The following XIRP2 variants were observed in gnomAD, a reference collection of about 807,000 sequenced individuals.
XIRP2 encodes xin actin-binding repeat-containing protein 2.
Under a neutral mutation model 277.0 loss-of-function variants are expected in XIRP2, and 236 were observed. The ratio of observed to expected loss-of-function variants is 0.85; its 90% CI spans 0.77 to 0.95. The LOEUF is 0.95. XIRP2 is among the 40% of genes least tolerant of loss of function. The pLI, the probability that XIRP2 is intolerant of heterozygous loss-of-function variation, is 0.00. For missense variants in XIRP2, 4,640 were observed against 4,157.5 expected, an observed-to-expected ratio of 1.12 and a Z score of -3.19; for synonymous variants, 1,490 against 1,416.5, an observed-to-expected ratio of 1.05 and a Z score of -1.17.
chr2:167,026,191 T>C (rs536602404), intron 2 of XIRP2, among the ~76,000 whole-genome samples: 1 of 152,322 alleles, frequency 6.6e-6, no homozygotes, highest in East Asian at 1.9e-4. Flanking sequence ...GTTGAATTGA[T>C]CCCTTTACCA....
At chr2:167,140,295 T>G (rs1691676200) in intron 3 of XIRP2, among the ~76,000 whole-genome samples, 2 of 152,224 alleles carry the variant, frequency 1.3e-5, no homozygotes, top group Admixed American at 1.3e-4. Flanking sequence ...CTTAATTGTC[T>G]TGGAAATATG....
intron 2 of XIRP2, among the ~76,000 whole-genome samples, chr2:167,032,297 A>AC (rs1688385980): frequency 6.6e-6 from 1 of 151,480 alleles, no homozygotes; most frequent in Non-Finnish European, 1.5e-5. Flanking sequence ...TTACACAAAA[A>AC]TTAAGGTGGA....
At chr2:167,048,596 AAAG>A (rs1196410629) in intron 2 of XIRP2, among the ~76,000 whole-genome samples, 50 of 151,926 alleles carry the variant, frequency 3.3e-4, no homozygotes, top group Middle Eastern at 3.4e-3. Context: ...ATGTTCATTC[AAAG>A]AAGATTCACC....
intron 3 of XIRP2, among the ~76,000 whole-genome samples, chr2:167,157,500 A>G (rs1049760700): frequency 6.6e-6 from 1 of 152,214 alleles, no homozygotes; most frequent in Admixed American, 6.5e-5. Flanking sequence ...TACATTGTAT[A>G]AGTATGCATG....
rs192182483 is a variant in XIRP2 at position 167,244,341 on chromosome 2, C to A, written c.2949C>A (p.Phe983Leu). ...RGAVELNKSL[F>L]ETTPLYAIQD... The stretch of plus-strand genomic sequence containing the variant: ...CTGTAGAGTTAAATAAATCTCTCTT[C>A]GAGACAACACCACTGTATGCCATTC... The change falls in exon 9 of 11, where the codon TTC becomes TTA. Residue 983 changes from phenylalanine to leucine, a missense_variant. Phe to Leu is a conservative substitution (Grantham distance 22, BLOSUM62 0). Transcript: ENST00000409195. 1.2e-6 allele frequency: 2 copies of A among 1,613,478 alleles called. No individual in the cohort carries two copies. Among genetic ancestry groups the A allele is most frequent in the Non-Finnish European group, 1.7e-6 (2 of 1,179,790 alleles).
chr2:167,152,553 A>T (rs73017974), intron 3 of XIRP2, among the ~76,000 whole-genome samples: 15,051 of 152,150 alleles, frequency 0.099, 802 homozygotes, highest in South Asian at 0.15. Context: ...GGGTCCCAGG[A>T]GTGAACCTGG....
At chr2:167,184,486 G>C (rs1485482331) in intron 3 of XIRP2, 1 of 679,602 alleles carries the variant, frequency 1.5e-6, no homozygotes, top group East Asian at 2.7e-5. Context: ...CTTCAGTTTT[G>C]TTGCTCCAGT....
chr2:166,934,602 A>G (rs1685440035), intron 2 of XIRP2, among the ~76,000 whole-genome samples: 1 of 152,240 alleles, frequency 6.6e-6, no homozygotes, highest in Admixed American at 6.5e-5. Flanking sequence ...TTTGTTACCT[A>G]TGAACATAAA....
At chr2:167,031,695 C>T (rs1688353950) in intron 2 of XIRP2, among the ~76,000 whole-genome samples, 2 of 152,044 alleles carry the variant, frequency 1.3e-5, no homozygotes, top group African/African-American at 2.4e-5. Context: ...AGTGAACTCC[C>T]ATTCACAATT....
At chr2:167,029,193 C>T (rs1017502338) in intron 2 of XIRP2, among the ~76,000 whole-genome samples, 6 of 151,968 alleles carry the variant, frequency 3.9e-5, no homozygotes, top group African/African-American at 7.2e-5. Flanking sequence ...TTTGAATATG[C>T]TTTATTTCTT....
chr2:167,163,045 G>A (rs1252729061), intron 3 of XIRP2, among the ~76,000 whole-genome samples: 2 of 152,082 alleles, frequency 1.3e-5, no homozygotes, highest in African/African-American at 2.4e-5. Context: ...ATTCCATTAT[G>A]TGAACAATTG....
intron 2 of XIRP2, among the ~76,000 whole-genome samples, chr2:166,914,120 A>T (rs984159099): frequency 1.3e-5 from 2 of 152,214 alleles, no homozygotes; most frequent in African/African-American, 2.4e-5. Flanking sequence ...GGAACACAGG[A>T]TGTCAGATTG....
At chr2:167,242,130 A>G (rs963157066) in intron 8 of XIRP2, among the ~76,000 whole-genome samples, 7 of 152,180 alleles carry the variant, frequency 4.6e-5, no homozygotes, top group South Asian at 2.1e-4. Flanking sequence ...AAAATTATAT[A>G]TGTTCTAAAG....
intron 4 of XIRP2, among the ~76,000 whole-genome samples, chr2:167,212,869 A>T (rs879813855): frequency 1.3e-5 from 2 of 151,036 alleles, no homozygotes; most frequent in Non-Finnish European, 3.0e-5. Context: ...AATCATGTGC[A>T]TGAAATGCTT....
chr2:167,251,817 A>G lies in XIRP2; in HGVS notation c.10425A>G (p.Glu3475=), dbSNP rs762833445. The change falls in exon 9 of 11, where the codon GAA becomes GAG. Residue 3475 remains glutamate, a synonymous_variant. Transcript: ENST00000409195. ...HILDISDSPK[E]VRKNFQKTWQ... is the part of the protein sequence containing the mutation. ...TAGATATCTCTGATTCACCTAAAGA[A>G]GTAAGAAAAAATTTTCAAAAGACGT... The G allele has an allele frequency of 6.2e-7, 1 of 1,613,354 alleles. No homozygotes were observed. The highest frequency in any genetic ancestry group is 1.1e-5 in the South Asian group (1 of 91,048).
At chr2:167,072,893 A>C (rs2105252856) in intron 2 of XIRP2, among the ~76,000 whole-genome samples, 1 of 152,294 alleles carries the variant, frequency 6.6e-6, no homozygotes, top group South Asian at 2.1e-4. Context: ...AGTGTATAAA[A>C]CATTTCACAG....
At position 167,242,646 on chromosome 2, in the gene XIRP2, C is replaced by G. The variant is rs758486852; in HGVS notation, c.1254C>G (p.Ser418Arg). ...CTTCCACTTCTTGCGTTTCAACCAG[C>G]CAGAGGAAGGAAACATCAACTACAA... ...STSSTSCVST[S>R]QRKETSTTRY... Residue 418 changes from serine to arginine, a missense_variant, in exon 9 of 11, where the codon AGC becomes AGG. By Grantham distance (110) the Ser-to-Arg change is moderately radical (BLOSUM62 -1). Coordinates refer to ENST00000409195, the MANE Select transcript of XIRP2 (RefSeq NM_152381.6). 6.2e-7 allele frequency: 1 copy of G among 1,614,060 alleles called. No homozygotes were observed. Among genetic ancestry groups the G allele is most frequent in the South Asian group, 1.1e-5 (1 of 91,066 alleles).
intron 3 of XIRP2, among the ~76,000 whole-genome samples, chr2:167,198,639 C>A (rs1287780553): frequency 6.6e-6 from 1 of 152,132 alleles, no homozygotes; most frequent in Non-Finnish European, 1.5e-5. Flanking sequence ...TTAAAGGCCA[C>A]ATTGTTCTGA....
chr2:166,904,231 C>A (rs1334194921), intron 2 of XIRP2, among the ~76,000 whole-genome samples: 1 of 152,104 alleles, frequency 6.6e-6, no homozygotes, highest in Non-Finnish European at 1.5e-5. Context: ...AAACATTTAA[C>A]AAATGGTGTT....
Sources: allele counts gnomAD v4.1 joint callset (sites outside exome capture counted in the v4.1 genomes callset), GRCh38; gene constraint gnomAD v4.1.1; transcripts MANE v1.5; gene names NCBI Gene and HGNC (gene_info 2026-07-23, HGNC 2026-07-21).